The following KCNH8 variants were observed in gnomAD, a reference collection of about 807,000 sequenced individuals.
KCNH8 encodes voltage-gated delayed rectifier potassium channel KCNH8.
In KCNH8, 70 loss-of-function variants were observed where a neutral mutation model predicts 103.6. The ratio of observed to expected loss-of-function variants is 0.68; its 90% CI spans 0.56 to 0.82. KCNH8 has a LOEUF of 0.82. Among genes scored for constraint, KCNH8 ranks in the 40% least tolerant of loss-of-function variants. The pLI is 0.00. For missense variants in KCNH8, 1,217 were observed against 1,329.9 expected (o/e 0.92, Z 1.32); for synonymous variants, 498 against 489.4 (o/e 1.02, Z -0.23).
chr3:19,466,454 T>A (rs916123988), intron 11 of KCNH8, among the ~76,000 whole-genome samples: 8 of 152,022 alleles, frequency 5.3e-5, no homozygotes, highest in Admixed American at 2.0e-4. Flanking sequence ...AAATCACTCA[T>A]GAAAGGAATA....
chr3:19,274,407 T>C (rs1454760728), intron 2 of KCNH8, among the ~76,000 whole-genome samples: 2 of 152,178 alleles, frequency 1.3e-5, no homozygotes, highest in South Asian at 2.1e-4. Context: ...CCAGTTCTCA[T>C]TGGACTGTAC....
At chr3:19,530,903 C>T (rs139874512) in intron 15 of KCNH8, among the ~76,000 whole-genome samples, 7 of 152,332 alleles carry the variant, frequency 4.6e-5, no homozygotes, top group Admixed American at 4.6e-4. Context: ...ACCTCTGAGT[C>T]TTATTGCTCC....
At chr3:19,508,779 A>T (rs914441079) in intron 11 of KCNH8, among the ~76,000 whole-genome samples, 1 of 152,182 alleles carries the variant, frequency 6.6e-6, no homozygotes, top group Non-Finnish European at 1.5e-5. Flanking sequence ...TAAGTAATTC[A>T]TGTGCACATA....
At chr3:19,189,420 A>C (rs1024109916) in intron 1 of KCNH8, among the ~76,000 whole-genome samples, 1 of 151,936 alleles carries the variant, frequency 6.6e-6, no homozygotes, top group African/African-American at 2.4e-5. Flanking sequence ...ATAGCAGTTC[A>C]TATTGTGGGG....
At chr3:19,260,481 CTATAGGATATATATATATATA>C (rs2064415861) in intron 2 of KCNH8, among the ~76,000 whole-genome samples, 1 of 98,752 alleles carries the variant, frequency 1.0e-5, no homozygotes, top group African/African-American at 3.6e-5. Context: ...ATGTATTACT[CTATAGGATATATATATATATA>C]TATATATATA....
intron 3 of KCNH8, among the ~76,000 whole-genome samples, chr3:19,336,300 T>C (rs1001380944): frequency 4.6e-5 from 7 of 151,718 alleles, no homozygotes; most frequent in African/African-American, 1.7e-4. Context: ...AATTTACTAA[T>C]TTCTCTTAAT....
At chr3:19,449,139 A>G (rs927481451) in intron 8 of KCNH8, 7 of 300,650 alleles carry the variant, frequency 2.3e-5, no homozygotes, top group East Asian at 1.7e-4. Flanking sequence ...TACCCACCCT[A>G]AATCTCCATA....
At chr3:19,154,776 G>T (rs2063165027) in intron 1 of KCNH8, among the ~76,000 whole-genome samples, 1 of 152,208 alleles carries the variant, frequency 6.6e-6, no homozygotes, top group Non-Finnish European at 1.5e-5. Flanking sequence ...TCAAGAAAAA[G>T]AATTGAGGGT....
At chr3:19,203,469 CT>C (rs1320902413) in intron 1 of KCNH8, among the ~76,000 whole-genome samples, 1 of 151,816 alleles carries the variant, frequency 6.6e-6, no homozygotes, top group Non-Finnish European at 1.5e-5. Context: ...TTGCTTTTTG[CT>C]TACCAGACAA....
intron 11 of KCNH8, among the ~76,000 whole-genome samples, chr3:19,490,690 G>C (rs1324272805): frequency 6.6e-6 from 1 of 152,064 alleles, no homozygotes; most frequent in African/African-American, 2.4e-5. Context: ...ATGAGGGGTG[G>C]TCTCCCCCCC....
At chr3:19,245,757 A>G (rs1220131741) in intron 1 of KCNH8, among the ~76,000 whole-genome samples, 1 of 152,164 alleles carries the variant, frequency 6.6e-6, no homozygotes, top group Non-Finnish European at 1.5e-5. Flanking sequence ...ACATTGGTGT[A>G]TAGAAATGGT....
chr3:19,331,154 C>T (rs965487270), intron 3 of KCNH8, among the ~76,000 whole-genome samples: 1 of 151,644 alleles, frequency 6.6e-6, no homozygotes, highest in African/African-American at 2.4e-5. Context: ...TTCTTATAAT[C>T]TAAGTTTCTG....
At chr3:19,182,800 A>G (rs894838033) in intron 1 of KCNH8, among the ~76,000 whole-genome samples, 4 of 152,230 alleles carry the variant, frequency 2.6e-5, no homozygotes, top group Non-Finnish European at 5.9e-5. Flanking sequence ...AAATTGTCAT[A>G]AAATAACAAG....
intron 11 of KCNH8, among the ~76,000 whole-genome samples, chr3:19,477,380 T>G (rs2067998671): frequency 1.3e-5 from 2 of 151,980 alleles, no homozygotes; most frequent in African/African-American, 4.8e-5. Flanking sequence ...TGCCAGACAT[T>G]GGACCGAGAA....
intron 5 of KCNH8, among the ~76,000 whole-genome samples, chr3:19,349,393 A>G (rs28520300): frequency 0.49 from 74,727 of 151,808 alleles, 19,132 homozygotes; most frequent in African/African-American, 0.62. Flanking sequence ...AATTAGCATC[A>G]TAAAAACACT....
chr3:19,448,301 C>T (rs1044684707), intron 8 of KCNH8, among the ~76,000 whole-genome samples: 4 of 151,894 alleles, frequency 2.6e-5, no homozygotes, highest in Admixed American at 2.6e-4. Context: ...GTAGCAAAAT[C>T]AGTATTCAAA....
At chr3:19,276,971 G>C (rs1559454974) in intron 2 of KCNH8, among the ~76,000 whole-genome samples, 2 of 152,090 alleles carry the variant, frequency 1.3e-5, no homozygotes, top group South Asian at 4.1e-4. Flanking sequence ...GCCCATCAAG[G>C]TATGGATAAA....
At chr3:19,374,210 G>T (rs2066152645) in intron 5 of KCNH8, among the ~76,000 whole-genome samples, 1 of 150,988 alleles carries the variant, frequency 6.6e-6, no homozygotes, top group Non-Finnish European at 1.5e-5. Flanking sequence ...ACAGTGGGGT[G>T]TTAAAGTCTC....
At chr3:19,374,368 C>T (rs990601239) in intron 5 of KCNH8, among the ~76,000 whole-genome samples, 1 of 151,474 alleles carries the variant, frequency 6.6e-6, no homozygotes, top group Admixed American at 6.6e-5. Flanking sequence ...ATGTAATGGC[C>T]TTCTTTGTCT....
Sources: allele counts gnomAD v4.1 joint callset (sites outside exome capture counted in the v4.1 genomes callset), GRCh38; gene constraint gnomAD v4.1.1; transcripts MANE v1.5; gene names NCBI Gene and HGNC (gene_info 2026-07-23, HGNC 2026-07-21).